PPM1L: variants seen among roughly 807,000 people sequenced by gnomAD.
PPM1L encodes protein phosphatase, Mg2+/Mn2+ dependent 1L.
Under a neutral mutation model 31.4 loss-of-function variants are expected in PPM1L, and 13 were observed. The observed-to-expected ratio is 0.41, with a 90% confidence interval of 0.27 to 0.66. PPM1L has a LOEUF of 0.66. Among genes scored for constraint, PPM1L ranks in the 30% least tolerant of loss-of-function variants. The pLI is 0.29. For synonymous variants in PPM1L, 184 were observed against 175.4 expected (o/e 1.05, Z -0.39); for missense variants, 326 against 453.7 (o/e 0.72, Z 2.56).
intron 2 of PPM1L, among the ~76,000 whole-genome samples, chr3:161,049,348 A>G (rs1434758543): frequency 6.6e-6 from 1 of 152,200 alleles, no homozygotes; most frequent in Non-Finnish European, 1.5e-5. Context: ...CTTTCTGAGT[A>G]CCAACATGAT....
chr3:161,049,309 CAAAA>C (rs111321374), intron 2 of PPM1L, among the ~76,000 whole-genome samples: 1 of 151,484 alleles, frequency 6.6e-6, no homozygotes, highest in South Asian at 2.1e-4. Context: ...CAAAACAAAA[CAAAA>C]AAACCCTAAA....
intron 1 of PPM1L, among the ~76,000 whole-genome samples, chr3:160,904,080 G>T (rs1249087797): frequency 1.3e-5 from 2 of 152,094 alleles, no homozygotes; most frequent in African/African-American, 2.4e-5. Context: ...GCAGGGGAAT[G>T]AACCTCTACC....
intron 1 of PPM1L, among the ~76,000 whole-genome samples, chr3:160,894,684 A>T (rs1713275309): frequency 6.6e-6 from 1 of 152,170 alleles, no homozygotes; most frequent in Non-Finnish European, 1.5e-5. Flanking sequence ...TCTTCAATTC[A>T]TTCTTTAGGA....
intron 1 of PPM1L, among the ~76,000 whole-genome samples, chr3:160,923,242 A>G (rs761492956): frequency 6.6e-6 from 1 of 152,206 alleles, no homozygotes; most frequent in African/African-American, 2.4e-5. Flanking sequence ...AAGCTTGATC[A>G]TGAGACTTTG....
At chr3:160,888,021 C>T (rs1004827436) in intron 1 of PPM1L, among the ~76,000 whole-genome samples, 1 of 152,110 alleles carries the variant, frequency 6.6e-6, no homozygotes, top group African/African-American at 2.4e-5. Flanking sequence ...CTTGCAAGAG[C>T]TCCTGAAAGA....
chr3:160,968,952 T>A (rs183689575), intron 2 of PPM1L, among the ~76,000 whole-genome samples: 360 of 152,322 alleles, frequency 2.4e-3, no homozygotes, highest in African/African-American at 8.4e-3. Flanking sequence ...AGCCTTCCAA[T>A]GAGCACATGC....
At chr3:161,045,123 A>G (rs185667768) in intron 2 of PPM1L, among the ~76,000 whole-genome samples, 145 of 152,344 alleles carry the variant, frequency 9.5e-4, no homozygotes, top group Non-Finnish European at 1.5e-3. Context: ...TTCATAAAGC[A>G]AGTCCTTAGA....
intron 1 of PPM1L, among the ~76,000 whole-genome samples, chr3:160,959,139 C>T (rs1258715790): frequency 6.6e-6 from 1 of 152,172 alleles, no homozygotes; most frequent in Non-Finnish European, 1.5e-5. Context: ...GAAATAATGG[C>T]ATTTGCAGCA....
At chr3:160,832,867 T>C (rs1431377538) in intron 1 of PPM1L, among the ~76,000 whole-genome samples, 1 of 152,136 alleles carries the variant, frequency 6.6e-6, no homozygotes, top group Admixed American at 6.6e-5. Context: ...ACCCATCCCC[T>C]AGATATTAAG....
In PPM1L at chr3:160,898,058, G is replaced by GA. The variant is rs896396102; in HGVS notation, c.400-63669dup. ...ATTTTTAACTTTGACTTTTAAGGAA[G>GA]AAAAAAAAATCACCTTTCTTTATTT... On this transcript the variant is annotated intron_variant, in intron 1 of 3. Transcript: ENST00000498165. Among the ~76,000 whole-genome samples the GA allele has an allele frequency of 6.6e-4, 100 of 150,730 alleles. 1 individual carries two copies. Among genetic ancestry groups the GA allele is most frequent in the African/African-American group, 1.9e-3 (79 of 41,174 alleles).
At chr3:161,023,241 T>C (rs1038849096) in intron 2 of PPM1L, among the ~76,000 whole-genome samples, 1 of 152,054 alleles carries the variant, frequency 6.6e-6, no homozygotes, top group Non-Finnish European at 1.5e-5. Flanking sequence ...TTGGAATTTG[T>C]TGAGGTTCTA....
At position 161,068,848 on chromosome 3, in the gene PPM1L, G is replaced by A. The variant is rs1719822863; in HGVS notation, c.774G>A (p.Gln258=). The A allele has an allele frequency of 1.2e-6, 2 of 1,613,960 alleles. No homozygotes were observed. Among genetic ancestry groups the A allele is most frequent in the South Asian group, 2.2e-5 (2 of 91,058 alleles). ...FISFNGSWRV[Q]GILAMSRSLG... ...GTTTCAATGGCTCCTGGAGGGTCCA[G>A]GGAATCCTGGCCATGTCTCGGTCCC... Residue 258 remains glutamine (Q), a synonymous_variant, in exon 4 of 4, where the codon CAG becomes CAA. Transcript: ENST00000498165.
At chr3:160,801,768 T>G (rs563792498) in intron 1 of PPM1L, among the ~76,000 whole-genome samples, 2 of 152,336 alleles carry the variant, frequency 1.3e-5, no homozygotes, top group Admixed American at 1.3e-4. Context: ...CCACAGTGTC[T>G]CAGCCTGAGG....
intron 1 of PPM1L, among the ~76,000 whole-genome samples, chr3:160,923,101 A>G (rs1318818361): frequency 3.9e-5 from 6 of 152,212 alleles, no homozygotes; most frequent in African/African-American, 9.6e-5. Context: ...ATTTACATTA[A>G]GAATGACCTC....
chr3:160,792,499 ACATCTTAGAATGGT>A (rs1419572795), intron 1 of PPM1L, among the ~76,000 whole-genome samples: 1 of 151,974 alleles, frequency 6.6e-6, no homozygotes. Flanking sequence ...TTTATTATTA[ACATCTTAGAATGGT>A]ATATTTGTCA....
chr3:160,827,935 T>C (rs1238760965), intron 1 of PPM1L, among the ~76,000 whole-genome samples: 4 of 152,000 alleles, frequency 2.6e-5, no homozygotes, highest in Non-Finnish European at 5.9e-5. Context: ...AGCAGGCATG[T>C]CACAAAGTGA....
At chr3:161,007,059 C>T (rs925496348) in intron 2 of PPM1L, among the ~76,000 whole-genome samples, 1 of 152,136 alleles carries the variant, frequency 6.6e-6, no homozygotes, top group Non-Finnish European at 1.5e-5. Flanking sequence ...GTCATTCATT[C>T]ATTTAATATG....
intron 1 of PPM1L, among the ~76,000 whole-genome samples, chr3:160,954,487 T>G (rs929370685): frequency 6.6e-6 from 1 of 151,888 alleles, no homozygotes; most frequent in Non-Finnish European, 1.5e-5. Context: ...CTCAGCCTCC[T>G]GAGTAGCTGG....
intron 1 of PPM1L, among the ~76,000 whole-genome samples, chr3:160,917,456 C>T (rs372097626): frequency 2.6e-5 from 4 of 151,768 alleles, no homozygotes; most frequent in Non-Finnish European, 4.4e-5. Flanking sequence ...AATCAGTGTA[C>T]GGTAAGCAAA....
Sources: gnomAD v4.1 joint callset for allele counts (sites outside exome capture counted in the v4.1 genomes callset) on GRCh38, gnomAD v4.1.1 for gene constraint, MANE v1.5 for transcripts, NCBI Gene and HGNC (gene_info 2026-07-23, HGNC 2026-07-21) for gene names.